Variants in TMEM232 observed in about 807,000 individuals in gnomAD.
The protein encoded by TMEM232 is transmembrane protein 232.
Under a neutral mutation model 78.8 loss-of-function variants are expected in TMEM232, and 80 were observed. That is an observed-to-expected ratio of 1.01 (90% CI 0.85 to 1.22). TMEM232 has a LOEUF of 1.22. Ranked by LOEUF, TMEM232 falls within the 50% of genes most tolerant of loss-of-function variation. The probability of loss-of-function intolerance (pLI) is 0.00; values close to 1 mark genes in which losing one functional copy is unlikely to be tolerated. For synonymous variants in TMEM232, 297 were observed against 254.3 expected (o/e 1.17, Z -1.60); for missense variants, 881 against 742.2 (o/e 1.19, Z -2.17).
At chr5:110,534,258 A>G (rs1337453866) in intron 11 of TMEM232, among the ~76,000 whole-genome samples, 1 of 152,188 alleles carries the variant, frequency 6.6e-6, no homozygotes, top group African/African-American at 2.4e-5. Context: ...TTTATTAGTC[A>G]AATCAGCCAA....
intron 1 of TMEM232, among the ~76,000 whole-genome samples, chr5:110,697,260 A>G (rs1231215129): frequency 6.6e-6 from 1 of 152,072 alleles, no homozygotes; most frequent in Non-Finnish European, 1.5e-5. Flanking sequence ...GAAAGATGAA[A>G]CCAGATCCCT....
intron 1 of TMEM232, among the ~76,000 whole-genome samples, chr5:110,669,214 A>G (rs1188652408): frequency 6.6e-6 from 1 of 152,208 alleles, no homozygotes; most frequent in Non-Finnish European, 1.5e-5. Context: ...AAAGATCAAC[A>G]AAATTGATAT....
At chr5:110,614,991 T>A (rs987754092) in intron 8 of TMEM232, among the ~76,000 whole-genome samples, 3 of 151,990 alleles carry the variant, frequency 2.0e-5, no homozygotes, top group Admixed American at 6.6e-5. Context: ...TAAATACTAT[T>A]CTTTATTTTT....
intron 12 of TMEM232, among the ~76,000 whole-genome samples, chr5:110,450,618 A>G (rs1383372435): frequency 6.6e-6 from 1 of 152,302 alleles, no homozygotes. Context: ...ACATGAATCA[A>G]AACAGGTGTC....
chr5:110,507,850 G>A (rs922153905), intron 12 of TMEM232, among the ~76,000 whole-genome samples: 1 of 152,140 alleles, frequency 6.6e-6, no homozygotes, highest in South Asian at 2.1e-4. Flanking sequence ...GAAAATCATT[G>A]CTGCCTGCAT....
At chr5:110,529,284 C>G (rs997103898) in intron 11 of TMEM232, among the ~76,000 whole-genome samples, 11 of 151,574 alleles carry the variant, frequency 7.3e-5, no homozygotes, top group Non-Finnish European at 1.3e-4. Flanking sequence ...CTTGCTGTGT[C>G]TCCCAGACTG....
At position 110,638,458 on chromosome 5, in the gene TMEM232, T is replaced by C. The variant is rs1580456132; in HGVS notation, c.344-103A>G. The C allele has an allele frequency of 8.7e-6, 10 of 1,147,202 alleles. No homozygotes were observed. The East Asian group carries it at 1.8e-4, about 21-fold the overall frequency. The allele number at this position is 1,147,202 out of a possible 1,614,324, so 71.1% of individuals were successfully genotyped here. ...ATTATTTCCTGTCATTAAGACCAAA[T>C]TGCAGTTTTAAAATATATTTACAAA... is the stretch of plus-strand genomic sequence containing the variant. On this transcript the variant is annotated intron_variant, in intron 4 of 13. Coordinates refer to ENST00000455884, the MANE Select transcript of TMEM232 (RefSeq NM_001039763.4).
intron 1 of TMEM232, among the ~76,000 whole-genome samples, chr5:110,686,566 A>AT (rs2150204289): frequency 6.6e-6 from 1 of 152,168 alleles, no homozygotes; most frequent in East Asian, 1.9e-4. Context: ...GTGCGAGTTG[A>AT]TAAAAAAAAA....
chr5:110,521,009 T>C (rs1243926640), intron 12 of TMEM232, among the ~76,000 whole-genome samples: 2 of 152,180 alleles, frequency 1.3e-5, no homozygotes, highest in African/African-American at 4.8e-5. Flanking sequence ...ATCTACACAC[T>C]AAACAGTATT....
intron 12 of TMEM232, among the ~76,000 whole-genome samples, chr5:110,524,772 C>T (rs773277767): frequency 4.0e-5 from 6 of 151,886 alleles, no homozygotes; most frequent in Non-Finnish European, 8.8e-5. Flanking sequence ...TTTTGTATTG[C>T]CGTCTATTTC....
chr5:110,526,025 CAAAAAAAAAAAA>C (rs758110596), intron 12 of TMEM232, among the ~76,000 whole-genome samples: 2 of 47,808 alleles, frequency 4.2e-5, no homozygotes, highest in African/African-American at 8.5e-5. Flanking sequence ...CACCATACAC[CAAAAAAAAAAAA>C]AAAAAAAAAA....
chr5:110,599,259 C>T (rs1450403409), intron 10 of TMEM232, among the ~76,000 whole-genome samples: 1 of 152,094 alleles, frequency 6.6e-6, no homozygotes, highest in Non-Finnish European at 1.5e-5. Flanking sequence ...GAAACTGCAT[C>T]AACTACTGTG....
rs762217401 is a variant in TMEM232 at position 110,625,297 on chromosome 5, C to T, written c.738G>A (p.Lys246=). ...CAGAATCTGTGTTCTCATATCTTTT[C>T]TTATCTTCCACAGGTCTAAAAATGG... ...SESIFRPVED[K]KRYENTDSDM... The change falls in exon 7 of 14, where the codon AAG becomes AAA. Residue 246 remains lysine, a synonymous_variant. Coordinates refer to ENST00000455884, the MANE Select transcript of TMEM232 (RefSeq NM_001039763.4). 6.5e-7 allele frequency: 1 copy of T among 1,542,476 alleles called. No individual in the cohort carries two copies. Among genetic ancestry groups the T allele is most frequent in the South Asian group, 1.2e-5 (1 of 82,246 alleles).
At chr5:110,639,776 C>T (rs1467799969) in intron 4 of TMEM232, among the ~76,000 whole-genome samples, 1 of 152,210 alleles carries the variant, frequency 6.6e-6, no homozygotes, top group Non-Finnish European at 1.5e-5. Flanking sequence ...GCACCAGGGA[C>T]TGGTTTTGTC....
At chr5:110,726,776 T>C (rs1798197793), upstream of TMEM232, 1 of 152,224 alleles carries the variant, frequency 6.6e-6, no homozygotes, top group South Asian at 2.1e-4. Flanking sequence ...CTGTCCCGTC[T>C]CCACCACATT....
At position 110,717,925 on chromosome 5, in the gene TMEM232, A is replaced by C. The variant is rs528131737; in HGVS notation, c.-13+8702T>G. ...TTTCCTTTATAAATTACCCAGTCTC[A>C]GGTAGTATGTGTATAGCAGTGAGAA... is the stretch of plus-strand genomic sequence containing the variant. On this transcript the variant is annotated intron_variant, in intron 1 of 13. Transcript: ENST00000455884. Among the ~76,000 whole-genome samples the C allele has an allele frequency of 7.9e-5, 12 of 152,216 alleles. No homozygotes were observed. In the South Asian group the frequency reaches 2.3e-3, roughly 29 times the overall value.
At chr5:110,440,794 A>T (rs1382326295) in intron 12 of TMEM232, among the ~76,000 whole-genome samples, 2 of 152,132 alleles carry the variant, frequency 1.3e-5, no homozygotes, top group Non-Finnish European at 2.9e-5. Context: ...TTTGAGTCCA[A>T]TGCCATCCTG....
intron 11 of TMEM232, among the ~76,000 whole-genome samples, chr5:110,544,039 A>C: frequency 6.6e-6 from 1 of 152,184 alleles, no homozygotes; most frequent in East Asian, 1.9e-4. Context: ...TTATAAATTT[A>C]CTACTATTTA....
At chr5:110,669,979 T>C (rs1207883772) in intron 1 of TMEM232, among the ~76,000 whole-genome samples, 2 of 152,036 alleles carry the variant, frequency 1.3e-5, no homozygotes, top group Non-Finnish European at 2.9e-5. Context: ...ATGGGACATA[T>C]CTCAAAATAA....
Sources: gnomAD v4.1 joint callset for allele counts (sites outside exome capture counted in the v4.1 genomes callset) on GRCh38, gnomAD v4.1.1 for gene constraint, MANE v1.5 for transcripts, NCBI Gene and HGNC (gene_info 2026-07-23, HGNC 2026-07-21) for gene names.